CELF2: variants seen among roughly 807,000 people sequenced by gnomAD.
The protein encoded by CELF2 is CUG triplet repeat RNA-binding protein 2.
Under a neutral mutation model 62.6 loss-of-function variants are expected in CELF2, and 8 were observed. That is an observed-to-expected ratio of 0.13 (90% CI 0.07 to 0.23). CELF2 has a LOEUF of 0.23. Among genes scored for constraint, CELF2 ranks in the 10% least tolerant of loss-of-function variants. The probability of loss-of-function intolerance (pLI) is 1.00; values close to 1 mark genes in which losing one functional copy is unlikely to be tolerated. For missense variants in CELF2, 333 were observed against 671.0 expected (o/e 0.50, Z 5.56); for synonymous variants, 258 against 250.0 (o/e 1.03, Z -0.30).
Position 11,156,749 on chromosome 10 carries a change from G to A in CELF2, c.75-8737G>A, listed in dbSNP as rs1016347079. On this transcript the variant is annotated intron_variant, in intron 1 of 12. Transcript: ENST00000633077. This position sits in a 1 kb window ranked among gnomAD's most constrained non-coding sequence, Gnocchi z 4.3. ...TGAATCGCTGTTTCTGAGGTTCCGCGGTCAGAGAAGGGAAAGGCCAGAGCA... is the reference window on the plus strand; with the variant it reads ...TGAATCGCTGTTTCTGAGGTTCCGCAGTCAGAGAAGGGAAAGGCCAGAGCA... 5.9e-5 allele frequency among the ~76,000 whole-genome samples: 9 copies of A among 152,108 alleles called. No homozygotes were observed. The highest frequency in any genetic ancestry group is 4.1e-4 in the South Asian group (2 of 4,826).
At chr10:10,903,533 T>C (rs1229365129) in intron 1 of CELF2, among the ~76,000 whole-genome samples, 1 of 152,206 alleles carries the variant, frequency 6.6e-6, no homozygotes, top group Non-Finnish European at 1.5e-5. Context: ...AAGGGCCACT[T>C]TAAGTAAGAA....
chr10:11,216,311 TC>T (rs2063345074), intron 2 of CELF2, among the ~76,000 whole-genome samples: 1 of 152,142 alleles, frequency 6.6e-6, no homozygotes, highest in Non-Finnish European at 1.5e-5. Flanking sequence ...TACTTTATTT[TC>T]CCCCTGAAAT....
At chr10:10,898,884 A>G (rs2062744990) in intron 1 of CELF2, among the ~76,000 whole-genome samples, 1 of 152,254 alleles carries the variant, frequency 6.6e-6, no homozygotes, top group South Asian at 2.1e-4. Flanking sequence ...CAATGAATTT[A>G]AAAATATTCA....
the CELF2 span, among the ~76,000 whole-genome samples, chr10:10,508,684 G>A: frequency 1.3e-5 from 1 of 79,378 alleles, no homozygotes; most frequent in Non-Finnish European, 2.6e-5. Flanking sequence ...GTGTGTGTGT[G>A]TGTGTGTGTG....
At chr10:10,829,570 A>G (rs573691977) in intron 1 of CELF2, among the ~76,000 whole-genome samples, 10 of 152,338 alleles carry the variant, frequency 6.6e-5, no homozygotes, top group Admixed American at 4.6e-4. Flanking sequence ...GGACTTAAAT[A>G]TCTTTATTCC....
intron 1 of CELF2, among the ~76,000 whole-genome samples, chr10:11,048,366 A>G (rs1238717799): frequency 1.3e-5 from 2 of 152,188 alleles, no homozygotes; most frequent in South Asian, 2.1e-4. Flanking sequence ...TAGCTTTCTC[A>G]GTATTACGTA....
chr10:10,513,046 G>T, the CELF2 span, among the ~76,000 whole-genome samples: 1 of 152,110 alleles, frequency 6.6e-6, no homozygotes, highest in Non-Finnish European at 1.5e-5. Flanking sequence ...GATGCACAAG[G>T]CTGTTCGGAT....
the CELF2 span, among the ~76,000 whole-genome samples, chr10:10,616,382 G>T: frequency 6.6e-6 from 1 of 151,054 alleles, no homozygotes; most frequent in Non-Finnish European, 1.5e-5. Flanking sequence ...GTTGGAGGAA[G>T]TGGCCTCCTG....
In CELF2 at chr10:10,843,793, G is replaced by A. The variant is rs547065338; in HGVS notation, c.53+44976G>A. Among the ~76,000 whole-genome samples the A allele has an allele frequency of 5.9e-5, 9 of 151,940 alleles. No individual in the cohort carries two copies. The East Asian group carries it at 1.2e-3, about 20-fold the overall frequency. On this transcript the variant is annotated intron_variant, in intron 1 of 13. Coordinates refer to the CELF2 transcript ENST00000636488. ...ACATTTTGACTTTTGAAACAAAATC[G>A]CCCCCCAACACTGAATAGGTTCTGA...
intron 2 of CELF2, among the ~76,000 whole-genome samples, chr10:11,166,281 G>A (rs2067151093): frequency 6.6e-6 from 1 of 152,150 alleles, no homozygotes; most frequent in African/African-American, 2.4e-5. Context: ...GACATAGTTA[G>A]GACACCTTCA....
At chr10:10,777,291 G>T in the CELF2 span, among the ~76,000 whole-genome samples, 1 of 152,134 alleles carries the variant, frequency 6.6e-6, no homozygotes, top group Non-Finnish European at 1.5e-5. Context: ...TCTTGGCCCT[G>T]GTGCATCCTC....
intron 1 of CELF2, among the ~76,000 whole-genome samples, chr10:11,112,990 C>T (rs1232868124): frequency 6.6e-6 from 1 of 151,996 alleles, no homozygotes. Context: ...AGCTTGTGTC[C>T]TGACTGAGTC....
intron 1 of CELF2, among the ~76,000 whole-genome samples, chr10:11,138,250 G>A (rs1393726574): frequency 1.3e-5 from 2 of 152,138 alleles, no homozygotes; most frequent in East Asian, 1.9e-4. Context: ...TCTTGGAGAT[G>A]TTTACATATT....
chr10:10,691,869 G>C, the CELF2 span, among the ~76,000 whole-genome samples: 3 of 148,484 alleles, frequency 2.0e-5, no homozygotes, highest in Admixed American at 1.3e-4. Context: ...TTTTTTTCTT[G>C]TAAATTTGTT....
rs1352274094 is a variant in CELF2, at chr10:11,008,164, C to T, written c.53+2724C>T. Reference sequence around the variant, plus strand: ...CATAAGCCTCTATATGTAATGATTCCTCAAGGTAGTGACTTTAACAAATGT... The same window carrying T: ...CATAAGCCTCTATATGTAATGATTCTTCAAGGTAGTGACTTTAACAAATGT... On this transcript the variant is annotated intron_variant, in intron 1 of 12. Transcript: ENST00000416382. The surrounding 1 kb of genome is among the most constrained non-coding windows in gnomAD (Gnocchi z 4.5). Among the ~76,000 whole-genome samples, 1 of 152,162 alleles carries T rather than the reference C, an allele frequency of 6.6e-6. No individual in the cohort carries two copies. Among genetic ancestry groups the T allele is most frequent in the East Asian group, 1.9e-4 (1 of 5,202 alleles).
At chr10:10,520,620 C>T in the CELF2 span, among the ~76,000 whole-genome samples, 10 of 151,884 alleles carry the variant, frequency 6.6e-5, no homozygotes, top group East Asian at 1.9e-4. Context: ...ATAGGGCAGG[C>T]GTAATAGGGG....
In CELF2 at chr10:11,269,548, A is replaced by G. The variant is rs1381996154; in HGVS notation, c.619-1118A>G. Among the ~76,000 whole-genome samples, 1 of 152,226 alleles carries G rather than the reference A, an allele frequency of 6.6e-6. No homozygotes were observed. The highest frequency in any genetic ancestry group is 6.5e-5 in the Admixed American group (1 of 15,282). Reference sequence around the variant, plus strand: ...AGGTCTATTATCATGCTGAGTTTCAATAAAAGTTTTTATTTTAATCACTTG... The same window carrying G: ...AGGTCTATTATCATGCTGAGTTTCAGTAAAAGTTTTTATTTTAATCACTTG... On this transcript the variant is annotated intron_variant, in intron 6 of 12. Coordinates refer to ENST00000633077, the MANE Select transcript of CELF2 (RefSeq NM_001326342.2). This position sits in a 1 kb window ranked among gnomAD's most constrained non-coding sequence, Gnocchi z 4.4.
rs905754799 is a variant in CELF2 at position 11,300,568 on chromosome 10, T to C, written c.976+12016T>C. ...ACCCCGCCCCTCCCTGCCCAAACTATCTTCGAGGGACTAAATTAAAATGAA... is the reference window on the plus strand; with the variant it reads ...ACCCCGCCCCTCCCTGCCCAAACTACCTTCGAGGGACTAAATTAAAATGAA... On this transcript the variant is annotated intron_variant, in intron 9 of 12. Transcript: ENST00000633077. This position sits in a 1 kb window ranked among gnomAD's most constrained non-coding sequence, Gnocchi z 5.5. 6.6e-6 allele frequency among the ~76,000 whole-genome samples: 1 copy of C among 151,748 alleles called. No individual in the cohort carries two copies. The highest frequency in any genetic ancestry group is 1.5e-5 in the Non-Finnish European group (1 of 67,916).
chr10:11,126,231 C>T (rs2058676299), intron 1 of CELF2, among the ~76,000 whole-genome samples: 1 of 152,168 alleles, frequency 6.6e-6, no homozygotes, highest in African/African-American at 2.4e-5. Flanking sequence ...TCAGCAATAA[C>T]CAAGGAATCC....
Sources: allele counts gnomAD v4.1 joint callset (sites outside exome capture counted in the v4.1 genomes callset), GRCh38; gene constraint gnomAD v4.1.1; non-coding constraint Gnocchi (gnomAD v3.1); transcripts MANE v1.5; gene names NCBI Gene and HGNC (gene_info 2026-07-23, HGNC 2026-07-21).